PDE1C: variants seen among roughly 807,000 people sequenced by gnomAD.
The protein encoded by PDE1C is phosphodiesterase 1C, also known as dual specificity calcium/calmodulin-dependent 3',5'-cyclic nucleotide phosphodiesterase 1C.
Under a neutral mutation model 93.1 loss-of-function variants are expected in PDE1C, and 62 were observed. That is an observed-to-expected ratio of 0.67 (90% CI 0.54 to 0.82). The LOEUF (loss-of-function observed/expected upper bound fraction) is 0.82. Ranked by LOEUF, PDE1C falls within the 40% of genes least tolerant of loss-of-function variation. PDE1C has a pLI of 0.00. For missense variants in PDE1C, 742 were observed against 884.6 expected, an observed-to-expected ratio of 0.84 and a Z score of 2.04; for synonymous variants, 325 against 310.1, an observed-to-expected ratio of 1.05 and a Z score of -0.50.
intron 2 of PDE1C, among the ~76,000 whole-genome samples, chr7:31,918,329 CAACA>C (rs1392032124): frequency 6.6e-6 from 1 of 152,094 alleles, no homozygotes; most frequent in East Asian, 1.9e-4. Flanking sequence ...ATAAAATTTG[CAACA>C]AACTGCTAAC....
At chr7:31,775,122 C>T (rs28739316) in intron 17 of PDE1C, among the ~76,000 whole-genome samples, 12,239 of 152,130 alleles carry the variant, frequency 0.08, 1,114 homozygotes, top group African/African-American at 0.21. Context: ...GAGATTGGGT[C>T]GAACAGAGGT....
chr7:31,700,626 C>G, the PDE1C span, among the ~76,000 whole-genome samples: 2 of 152,162 alleles, frequency 1.3e-5, no homozygotes, highest in African/African-American at 4.8e-5. Context: ...GAACAAGATG[C>G]CATCTAGGCC....
chr7:32,403,189 T>C (rs1038816726), intron 1 of PDE1C, among the ~76,000 whole-genome samples: 1 of 49,472 alleles, frequency 2.0e-5, no homozygotes, highest in African/African-American at 3.9e-5. Context: ...ATTAATGTTC[T>C]CTAACAGGGC....
At chr7:32,406,531 CAAAAA>C (rs5883350) in intron 1 of PDE1C, among the ~76,000 whole-genome samples, 2 of 133,246 alleles carry the variant, frequency 1.5e-5, no homozygotes, top group African/African-American at 2.8e-5. Flanking sequence ...CTCCATAATG[CAAAAA>C]AAAAAAAAAA....
chr7:31,970,049 A>G lies in PDE1C; in HGVS notation c.128+81505T>C, dbSNP rs186502437. On this transcript the variant is annotated intron_variant, in intron 2 of 17. Coordinates refer to ENST00000396191, the MANE Select transcript of PDE1C (RefSeq NM_001191057.4). ...GGAGATATACCTAATGCTAAATGACAAGTTAATGGGTGCAGCACACCAACA... is the reference window on the plus strand; with the variant it reads ...GGAGATATACCTAATGCTAAATGACGAGTTAATGGGTGCAGCACACCAACA... Among the ~76,000 whole-genome samples, 699 of 152,214 alleles carry G rather than the reference A, an allele frequency of 4.6e-3. 8 individuals are homozygous for G. The highest frequency in any genetic ancestry group is 0.016 in the African/African-American group (651 of 41,546).
chr7:31,660,873 TATA>T, the PDE1C span, among the ~76,000 whole-genome samples: 6 of 151,342 alleles, frequency 4.0e-5, no homozygotes, highest in African/African-American at 7.3e-5. Flanking sequence ...ATATATTATA[TATA>T]ATATACACAT....
At chr7:32,048,007 A>T (rs1003108049) in intron 2 of PDE1C, among the ~76,000 whole-genome samples, 2 of 152,226 alleles carry the variant, frequency 1.3e-5, no homozygotes, top group Non-Finnish European at 2.9e-5. Flanking sequence ...AAGGAATCAC[A>T]GCTATTCCCA....
At chr7:31,617,161 CTTTCA>C in the PDE1C span, among the ~76,000 whole-genome samples, 1 of 152,146 alleles carries the variant, frequency 6.6e-6, no homozygotes, top group South Asian at 2.1e-4. Flanking sequence ...CATTTGCCAT[CTTTCA>C]GGAAGAAAAG....
At chr7:32,269,669 G>A (rs1487064845) in intron 1 of PDE1C, among the ~76,000 whole-genome samples, 3 of 152,184 alleles carry the variant, frequency 2.0e-5, no homozygotes, top group East Asian at 1.9e-4. Context: ...TAGTAGAGAC[G>A]GGGTTTCACC....
the PDE1C span, among the ~76,000 whole-genome samples, chr7:31,659,503 C>T: frequency 1.3e-5 from 2 of 152,206 alleles, no homozygotes; most frequent in Non-Finnish European, 2.9e-5. Context: ...GTGGAGGCTT[C>T]AGGGCCAGAT....
chr7:31,715,860 A>G, the PDE1C span, among the ~76,000 whole-genome samples: 5,765 of 152,268 alleles, frequency 0.038, 407 homozygotes, highest in African/African-American at 0.13. Context: ...CTGTTCCATG[A>G]GACTTCTAAG....
At chr7:32,237,085 T>C (rs989493321) in intron 1 of PDE1C, among the ~76,000 whole-genome samples, 1 of 30,004 alleles carries the variant, frequency 3.3e-5, no homozygotes, top group East Asian at 1.2e-3. Context: ...GTAATATTCT[T>C]TTTTTTTTTT....
chr7:31,867,224 C>T (rs1193843719), intron 6 of PDE1C, among the ~76,000 whole-genome samples: 1 of 152,004 alleles, frequency 6.6e-6, no homozygotes, highest in East Asian at 1.9e-4. Context: ...AGGACAAAAC[C>T]CCCCACCTGC....
intron 2 of PDE1C, among the ~76,000 whole-genome samples, chr7:32,039,273 G>T (rs1047927765): frequency 6.6e-5 from 10 of 152,070 alleles, no homozygotes; most frequent in African/African-American, 2.4e-4. Context: ...CACACTTGTA[G>T]TTACTAAAAT....
chr7:31,969,116 C>A (rs1584254898), intron 2 of PDE1C, among the ~76,000 whole-genome samples: 1 of 152,202 alleles, frequency 6.6e-6, no homozygotes, highest in East Asian at 1.9e-4. Context: ...GCAACAAAAG[C>A]CAAAGTTGAC....
At position 32,296,003 on chromosome 7, in the gene PDE1C, G is replaced by A. The variant is rs575203834; in HGVS notation, c.85+2648C>T. Among the ~76,000 whole-genome samples the A allele has an allele frequency of 1.2e-4, 18 of 151,774 alleles. No individual in the cohort carries two copies. The East Asian group carries it at 2.3e-3, about 20-fold the overall frequency. On this transcript the variant is annotated intron_variant, in intron 1 of 18. Coordinates refer to the PDE1C transcript ENST00000396193. ...AAAGCAACCTAAATAGCCAACAATA[G>A]GAAGTTGATTTTTTAAATACTTTAT...
chr7:32,417,021 T>G (rs1785288754), intron 1 of PDE1C, among the ~76,000 whole-genome samples: 1 of 152,066 alleles, frequency 6.6e-6, no homozygotes, highest in African/African-American at 2.4e-5. Flanking sequence ...AGCCGACACA[T>G]AGCACAGACT....
intron 1 of PDE1C, among the ~76,000 whole-genome samples, chr7:32,318,282 C>T (rs560961271): frequency 6.6e-6 from 1 of 152,282 alleles, no homozygotes; most frequent in South Asian, 2.1e-4. Flanking sequence ...AACCCCCCTT[C>T]TGAGTGTGAT....
At chr7:32,301,746 C>T (rs1264804996), upstream of PDE1C, among the ~76,000 whole-genome samples, 1 of 152,212 alleles carries the variant, frequency 6.6e-6, no homozygotes, top group Non-Finnish European at 1.5e-5. Flanking sequence ...GAATCGCTCA[C>T]TCAAGAAAGC....
Sources: gnomAD v4.1 joint callset for allele counts (sites outside exome capture counted in the v4.1 genomes callset) on GRCh38, gnomAD v4.1.1 for gene constraint, MANE v1.5 for transcripts, NCBI Gene and HGNC (gene_info 2026-07-23, HGNC 2026-07-21) for gene names.